Variants in DACH2 observed in about 807,000 individuals in gnomAD.
The protein encoded by DACH2 is dachshund family transcription factor 2.
DACH2 carries 17 observed loss-of-function variants against 35.8 expected under a neutral mutation model. The observed-to-expected ratio is 0.48, with a 90% CI of 0.33 to 0.71. The LOEUF is 0.71. Ranked by LOEUF, DACH2 falls within the 30% of genes least tolerant of loss-of-function variation. The pLI is 0.02. For missense variants in DACH2, 469 were observed against 472.7 expected, an observed-to-expected ratio of 0.99 and a Z score of 0.07; for synonymous variants, 195 against 177.3, an observed-to-expected ratio of 1.10 and a Z score of -0.79.
In DACH2 at chrX:86,148,512, C is replaced by A; in HGVS notation, c.-109C>A. 1 of 932,312 alleles carries A rather than the reference C, an allele frequency of 1.1e-6. No individual in the cohort carries two copies. The highest frequency in any genetic ancestry group is 1.4e-6 in the Non-Finnish European group (1 of 692,185). 76.8% of individuals were successfully genotyped at this position (932,312 alleles called of 1,213,427 possible). On this transcript the variant is annotated 5_prime_UTR_variant, in exon 1 of 12. Coordinates refer to ENST00000373125, the MANE Select transcript of DACH2 (RefSeq NM_053281.3). ...AGACTTGCGAACAGTTCGGAGCCAG[C>A]GAGAGCGCGCCAGAGAGAGCGAGAG...
intron 1 of DACH2, among the ~76,000 whole-genome samples, chrX:86,229,392 A>C (rs1328178736): frequency 1.8e-5 from 2 of 112,065 alleles, no homozygotes; most frequent in African/African-American, 6.5e-5. Context: ...GTTTGAAATC[A>C]GGTAGTGTGA....
intron 2 of DACH2, among the ~76,000 whole-genome samples, chrX:86,428,675 G>A (rs2036933422): frequency 9.1e-6 from 1 of 110,243 alleles, no homozygotes; most frequent in Admixed American, 9.7e-5. Context: ...AAATATCTTA[G>A]CATATTAGTT....
At chrX:86,296,754 T>C (rs906245816) in intron 1 of DACH2, among the ~76,000 whole-genome samples, 1 of 111,090 alleles carries the variant, frequency 9.0e-6, no homozygotes, top group Non-Finnish European at 1.9e-5. Context: ...ATTACATATA[T>C]ACTGGAGACT....
chrX:86,400,047 T>C (rs2036391828), intron 2 of DACH2, among the ~76,000 whole-genome samples: 1 of 111,902 alleles, frequency 8.9e-6, no homozygotes, highest in African/African-American at 3.3e-5. Flanking sequence ...TCTTTTCACA[T>C]AGTCCCATAT....
chrX:86,521,410 G>A (rs1033294445), intron 3 of DACH2, among the ~76,000 whole-genome samples: 1 of 111,671 alleles, frequency 9.0e-6, no homozygotes, highest in African/African-American at 3.3e-5. Context: ...TCTTGCAGCA[G>A]TTCTCTGTAT....
chrX:86,381,903 A>C (rs1225860602), intron 2 of DACH2, among the ~76,000 whole-genome samples: 1 of 109,953 alleles, frequency 9.1e-6, no homozygotes, highest in Admixed American at 9.7e-5. Flanking sequence ...TTCCCATTTC[A>C]AAGCATCACA....
chrX:86,832,085 C>CTTGTTTTCTTTTTTTTTAA (rs761673895), intron 11 of DACH2, 21 bp from the exon 12 acceptor site: 1 of 1,124,549 alleles, frequency 8.9e-7, no homozygotes, highest in African/African-American at 1.8e-5. Context: ...TAAGAACTAA[C>CTTGTTTTCTTTTTTTTTAA]TTGTTTTCTT....
chrX:86,324,364 G>T (rs904906636), intron 1 of DACH2, among the ~76,000 whole-genome samples: 2 of 110,790 alleles, frequency 1.8e-5, no homozygotes, highest in Admixed American at 9.7e-5. Flanking sequence ...GTCTATCCCT[G>T]GTGAAGATGC....
At chrX:86,783,344 G>A (rs2042107144) in intron 7 of DACH2, among the ~76,000 whole-genome samples, 1 of 112,047 alleles carries the variant, frequency 8.9e-6, no homozygotes, top group Non-Finnish European at 1.9e-5. Flanking sequence ...CAAACACTGT[G>A]GAGAACAATT....
chrX:86,424,046 T>C (rs761394475), intron 2 of DACH2, among the ~76,000 whole-genome samples: 1 of 111,150 alleles, frequency 9.0e-6, no homozygotes, highest in Admixed American at 9.6e-5. Context: ...ACTATATATG[T>C]CAGTTTTTAT....
intron 3 of DACH2, among the ~76,000 whole-genome samples, chrX:86,556,625 C>T (rs918120023): frequency 9.4e-6 from 1 of 106,758 alleles, no homozygotes; most frequent in African/African-American, 3.4e-5. Context: ...AGGTAAATCA[C>T]TTAACTTTAT....
chrX:86,523,490 C>CT (rs2038587902), intron 3 of DACH2, among the ~76,000 whole-genome samples: 1 of 111,295 alleles, frequency 9.0e-6, no homozygotes, highest in South Asian at 3.7e-4. Context: ...TAAATTTTTC[C>CT]TTTTTTAGCA....
At chrX:86,475,171 G>A (rs1259886289) in intron 2 of DACH2, among the ~76,000 whole-genome samples, 1 of 110,998 alleles carries the variant, frequency 9.0e-6, no homozygotes, top group East Asian at 2.8e-4. Flanking sequence ...GGTCTTTTGT[G>A]GTACCATATA....
intron 1 of DACH2, among the ~76,000 whole-genome samples, chrX:86,272,484 T>G (rs1486322040): frequency 1.8e-5 from 2 of 111,107 alleles, no homozygotes; most frequent in Non-Finnish European, 3.8e-5. Context: ...ATGAGAAAAA[T>G]AGCTTTGTAT....
chrX:86,761,899 C>T (rs1214894980), intron 7 of DACH2, among the ~76,000 whole-genome samples: 2 of 80,703 alleles, frequency 2.5e-5, no homozygotes, highest in African/African-American at 9.2e-5. Flanking sequence ...TGGGCCTCCA[C>T]GTGGCTTGCT....
intron 1 of DACH2, among the ~76,000 whole-genome samples, chrX:86,230,789 C>G (rs1225425317): frequency 9.0e-6 from 1 of 111,303 alleles, no homozygotes; most frequent in Non-Finnish European, 1.9e-5. Flanking sequence ...TTCATAGTAG[C>G]CTTGAATGAT....
At chrX:86,702,138 G>C (rs754093860) in intron 5 of DACH2, among the ~76,000 whole-genome samples, 13 of 111,700 alleles carry the variant, frequency 1.2e-4, no homozygotes, top group Non-Finnish European at 1.9e-5. Context: ...CGCTATAGAA[G>C]AACATGGAAA....
intron 3 of DACH2, among the ~76,000 whole-genome samples, chrX:86,569,774 A>G (rs1479981885): frequency 8.9e-6 from 1 of 111,969 alleles, no homozygotes; most frequent in Non-Finnish European, 1.9e-5. Context: ...TCTGCATAGC[A>G]AAAGAAACTA....
intron 3 of DACH2, among the ~76,000 whole-genome samples, chrX:86,538,530 G>A (rs1284444134): frequency 8.9e-6 from 1 of 111,829 alleles, no homozygotes; most frequent in Non-Finnish European, 1.9e-5. Flanking sequence ...TTTATGATGA[G>A]CAGAAATTTA....
Sources: allele counts gnomAD v4.1 joint callset (sites outside exome capture counted in the v4.1 genomes callset), GRCh38; gene constraint gnomAD v4.1.1; transcripts MANE v1.5; gene names NCBI Gene and HGNC (gene_info 2026-07-23, HGNC 2026-07-21).